SSU72: variants seen among roughly 807,000 people sequenced by gnomAD.
SSU72 encodes the protein SSU72 homolog, RNA polymerase II CTD phosphatase.
In SSU72, 12 loss-of-function variants were observed where a neutral mutation model predicts 22.7. The observed-to-expected ratio is 0.53, with a 90% CI of 0.34 to 0.86. The LOEUF (loss-of-function observed/expected upper bound fraction) is 0.86, where lower values mean the gene tolerates loss of function less well. Ranked by LOEUF, SSU72 falls within the 40% of genes least tolerant of loss-of-function variation. The probability of loss-of-function intolerance (pLI) is 0.02; values close to 1 mark genes in which losing one functional copy is unlikely to be tolerated. For synonymous variants in SSU72, 116 were observed against 98.3 expected, an observed-to-expected ratio of 1.18 and a Z score of -1.06; for missense variants, 151 against 249.8, an observed-to-expected ratio of 0.60 and a Z score of 2.67.
At chr1:1,548,679 G>A (rs1399061050) in intron 2 of SSU72, among the ~76,000 whole-genome samples, 1 of 152,152 alleles carries the variant, frequency 6.6e-6, no homozygotes, top group Non-Finnish European at 1.5e-5. Flanking sequence ...CCCTGCCCTG[G>A]CTTCCACATG....
Position 1,570,283 on chromosome 1 carries a change from GA to G in SSU72, c.80+4194del, listed in dbSNP as rs1167073455. On this transcript the variant is annotated intron_variant, in intron 1 of 4. Coordinates refer to ENST00000291386, the MANE Select transcript of SSU72 (RefSeq NM_014188.3). ...CTGCACTCCAGCCTTACTCTGGCTT[GA>G]AAAAAAAAACAAAAAAAAAAGGGAA... 3.8e-4 allele frequency among the ~76,000 whole-genome samples: 39 copies of G among 103,840 alleles called. No homozygotes were observed. In the East Asian group the frequency reaches 0.011, roughly 28 times the overall value. 68.1% of individuals were successfully genotyped at this position (103,840 alleles called of 152,430 possible).
At position 1,547,739 on chromosome 1, in the gene SSU72, T is replaced by C. The variant is rs545726693; in HGVS notation, c.225-2737A>G. 1.5e-3 allele frequency among the ~76,000 whole-genome samples: 229 copies of C among 152,318 alleles called. 2 individuals carry two copies. The highest frequency in any genetic ancestry group is 3.5e-3 in the East Asian group (18 of 5,182). ...GACAGGCTCAGGGCCACGGGGAGGC[T>C]GAGCAGGTTTCGGGCCTGCGTGCGA... is the stretch of plus-strand genomic sequence containing the variant. On this transcript the variant is annotated intron_variant, in intron 2 of 4. Transcript: ENST00000291386.
Position 1,542,036 on chromosome 1 carries a change from TC to T in SSU72, c.*29del. On this transcript the variant is annotated 3_prime_UTR_variant, in exon 5 of 5. Transcript: ENST00000291386. This position sits in a 1 kb window ranked among gnomAD's most constrained non-coding sequence, Gnocchi z 4.4. Reference sequence around the variant, plus strand: ...GGAAAAAGTATGAACAACAGGAAGCTCCAGAGGCGGCTCCATGCGGGCGCTG... The same window carrying T: ...GGAAAAAGTATGAACAACAGGAAGCTCAGAGGCGGCTCCATGCGGGCGCTG... 1 of 1,553,070 alleles carries T rather than the reference TC, an allele frequency of 6.4e-7. No individual in the cohort carries two copies. Among genetic ancestry groups the T allele is most frequent in the South Asian group, 1.2e-5 (1 of 84,418 alleles).
intron 1 of SSU72, among the ~76,000 whole-genome samples, chr1:1,565,429 TG>T (rs1489938316): frequency 6.6e-6 from 1 of 152,226 alleles, no homozygotes; most frequent in Non-Finnish European, 1.5e-5. Context: ...CATCATAGCT[TG>T]TTTAAGGCTT....
chr1:1,548,714 G>A (rs1024770260), intron 2 of SSU72, among the ~76,000 whole-genome samples: 5 of 152,172 alleles, frequency 3.3e-5, no homozygotes, highest in Non-Finnish European at 5.9e-5. Flanking sequence ...AGGTAGCTCC[G>A]CTCACCCACT....
intron 1 of SSU72, among the ~76,000 whole-genome samples, chr1:1,571,043 G>A (rs892639848): frequency 1.9e-4 from 29 of 152,150 alleles, no homozygotes; most frequent in Admixed American, 1.6e-3. Context: ...TCAGGAGATC[G>A]AGGCCATCTG....
intron 2 of SSU72, among the ~76,000 whole-genome samples, chr1:1,557,974 C>T (rs2100714008): frequency 6.6e-6 from 1 of 151,910 alleles, no homozygotes; most frequent in South Asian, 2.1e-4. Context: ...CTTTGGGAGG[C>T]CAAGGCGGGC....
At chr1:1,574,339 CA>C (rs1246133176) in intron 1 of SSU72, 138 bp downstream of exon 1, 1 of 849,796 alleles carries the variant, frequency 1.2e-6, no homozygotes. Context: ...GTCCAGCTGC[CA>C]TCCCAACCAG....
intron 3 of SSU72, 121 bp downstream of exon 3, chr1:1,544,742 G>A (rs746475750): frequency 6.9e-6 from 10 of 1,444,546 alleles, no homozygotes; most frequent in South Asian, 1.1e-5. Context: ...TCACACTCAG[G>A]TCTGCTCCCC....
intron 2 of SSU72, among the ~76,000 whole-genome samples, chr1:1,549,290 G>A (rs1008150101): frequency 6.6e-6 from 1 of 152,012 alleles, no homozygotes; most frequent in Non-Finnish European, 1.5e-5. Context: ...GCGAGGCCGA[G>A]GCAGGTGGAT....
At position 1,564,504 on chromosome 1, in the gene SSU72, A is replaced by C. The variant is rs761476466; in HGVS notation, c.224+269T>G. 1.7e-5 allele frequency: 26 copies of C among 1,511,894 alleles called. No individual in the cohort carries two copies. In the African/African-American group the frequency reaches 3.2e-4, roughly 18 times the overall value. The allele number at this position is 1,511,894 out of a possible 1,614,324, so 93.7% of individuals were successfully genotyped here. On this transcript the variant is annotated intron_variant, in intron 2 of 4. Coordinates refer to ENST00000291386, the MANE Select transcript of SSU72 (RefSeq NM_014188.3). ...CTCCTCACCTAAGCATCCCTGGTCTACGCTATGTCACGACCCTCTGCTGAA... is the reference window on the plus strand; with the variant it reads ...CTCCTCACCTAAGCATCCCTGGTCTCCGCTATGTCACGACCCTCTGCTGAA...
chr1:1,564,603 AC>A (rs1226966006), intron 2 of SSU72, 169 bp downstream of exon 2: 1 of 1,611,352 alleles, frequency 6.2e-7, no homozygotes, highest in Non-Finnish European at 8.5e-7. Flanking sequence ...ACTGGAACTA[AC>A]CCGTGGACGA....
At chr1:1,553,326 T>C (rs1296502869) in intron 2 of SSU72, among the ~76,000 whole-genome samples, 5 of 152,082 alleles carry the variant, frequency 3.3e-5, no homozygotes, top group Non-Finnish European at 5.9e-5. Flanking sequence ...AGTTATTTAG[T>C]TATTTAAAAA....
At chr1:1,571,690 T>TA (rs1325486590) in intron 1 of SSU72, among the ~76,000 whole-genome samples, 4 of 152,166 alleles carry the variant, frequency 2.6e-5, no homozygotes, top group African/African-American at 7.2e-5. Flanking sequence ...CACTCTGAAC[T>TA]AAAAAGGACT....
chr1:1,566,463 T>TACA (rs2100720515), intron 1 of SSU72, among the ~76,000 whole-genome samples: 1 of 152,342 alleles, frequency 6.6e-6, no homozygotes, highest in South Asian at 2.1e-4. Flanking sequence ...AAACTCCTCT[T>TACA]ACAGGCCTGT....
intron 1 of SSU72, among the ~76,000 whole-genome samples, chr1:1,565,437 G>A (rs1035509576): frequency 3.3e-5 from 5 of 152,342 alleles, no homozygotes; most frequent in African/African-American, 1.2e-4. Flanking sequence ...CTTGTTTAAG[G>A]CTTTACTTTA....
rs570989911 is a variant in SSU72, at chr1:1,541,749, G to A, written c.*317C>T. The A allele has an allele frequency of 3.7e-5, 14 of 379,944 alleles. No homozygotes were observed. Among genetic ancestry groups the A allele is most frequent in the African/African-American group, 1.7e-4 (8 of 47,968 alleles). The allele number at this position is 379,944 out of a possible 1,614,324, so 23.5% of individuals were successfully genotyped here. A position where few individuals can be genotyped will look rare whatever the true frequency, so the allele number is the denominator to read the frequency against. On this transcript the variant is annotated 3_prime_UTR_variant, in exon 5 of 5. Coordinates refer to ENST00000291386, the MANE Select transcript of SSU72 (RefSeq NM_014188.3). ...AGCAGGGCTCTGTACAGTCCGGCCC[G>A]GTGGGGAGGAGGGAGGGAAGGCAGG... is the stretch of plus-strand genomic sequence containing the variant.
chr1:1,558,522 T>A (rs1013098120), intron 2 of SSU72, among the ~76,000 whole-genome samples: 2 of 152,210 alleles, frequency 1.3e-5, no homozygotes, highest in Non-Finnish European at 2.9e-5. Context: ...AAGTGTCAGA[T>A]GCACTTGCGT....
At chr1:1,567,726 G>C (rs1266974485) in intron 1 of SSU72, among the ~76,000 whole-genome samples, 1 of 151,974 alleles carries the variant, frequency 6.6e-6, no homozygotes, top group Non-Finnish European at 1.5e-5. Flanking sequence ...ACAACAGCCT[G>C]GCCAACATGG....
Sources: gnomAD v4.1 joint callset for allele counts (sites outside exome capture counted in the v4.1 genomes callset) on GRCh38, gnomAD v4.1.1 for gene constraint, Gnocchi (gnomAD v3.1) non-coding constraint, MANE v1.5 for transcripts, NCBI Gene and HGNC (gene_info 2026-07-23, HGNC 2026-07-21) for gene names.